The following OGDH variants were observed in gnomAD, a reference collection of about 807,000 sequenced individuals.
OGDH encodes the protein 2-oxoglutarate dehydrogenase complex component E1.
Under a neutral mutation model 116.6 loss-of-function variants are expected in OGDH, and 38 were observed. The ratio of observed to expected loss-of-function variants is 0.33; its 90% CI spans 0.25 to 0.43. OGDH has a LOEUF of 0.43. OGDH is among the 20% of genes least tolerant of loss of function. The probability of loss-of-function intolerance (pLI) is 1.00; values close to 1 mark genes in which losing one functional copy is unlikely to be tolerated. For synonymous variants in OGDH, 488 were observed against 533.3 expected (o/e 0.92, Z 1.17); for missense variants, 825 against 1,357.2 (o/e 0.61, Z 6.16).
chr7:44,626,979 TTTTG>T (rs758437776), intron 2 of OGDH, among the ~76,000 whole-genome samples: 18 of 152,214 alleles, frequency 1.2e-4, no homozygotes, highest in South Asian at 6.2e-4. Flanking sequence ...TGTGCATGTT[TTTTG>T]TTTGTTTGTT....
rs192281909 is a variant in OGDH, at chr7:44,610,524, G to A, written c.-28+3871G>A. On this transcript the variant is annotated intron_variant, in intron 1 of 22. Coordinates refer to ENST00000222673, the MANE Select transcript of OGDH (RefSeq NM_002541.4). ...TCACCGTGTTGGTCAGGCTGGTCTCGAACTCCTGACCTCGCGATCTGTCCA... is the reference window on the plus strand; with the variant it reads ...TCACCGTGTTGGTCAGGCTGGTCTCAAACTCCTGACCTCGCGATCTGTCCA... Among the ~76,000 whole-genome samples, 24 of 152,020 alleles carry A rather than the reference G, an allele frequency of 1.6e-4. No individual in the cohort carries two copies. In the East Asian group the frequency reaches 3.3e-3, roughly 21 times the overall value.
At chr7:44,684,453 AAG>A (rs1251639993) in intron 10 of OGDH, among the ~76,000 whole-genome samples, 5 of 152,208 alleles carry the variant, frequency 3.3e-5, no homozygotes, top group African/African-American at 4.8e-5. Context: ...GTCAAATACT[AAG>A]AGAGGGTAAG....
chr7:44,687,602 A>G (rs1344869730), intron 10 of OGDH, among the ~76,000 whole-genome samples: 2 of 150,886 alleles, frequency 1.3e-5, no homozygotes, highest in Admixed American at 1.3e-4. Context: ...TTTTTTTTGT[A>G]GAGACAGGGT....
intron 4 of OGDH, among the ~76,000 whole-genome samples, chr7:44,657,680 G>A (rs1449370387): frequency 6.6e-6 from 1 of 151,904 alleles, no homozygotes; most frequent in African/African-American, 2.4e-5. Flanking sequence ...TGTGCTTTTG[G>A]TATGAAGTCT....
chr7:44,651,949 C>G (rs1285580440), intron 4 of OGDH, among the ~76,000 whole-genome samples: 1 of 152,150 alleles, frequency 6.6e-6, no homozygotes, highest in African/African-American at 2.4e-5. Flanking sequence ...AGCACTCCAC[C>G]TGCCTCCGCC....
rs1235133213 is a variant in OGDH at position 44,707,248 on chromosome 7, C to G, written c.2656C>G (p.Pro886Ala). Reference sequence around the variant, plus strand: ...AGGAACCCACTTCCAGCGGGTGATCCCAGAAGATGGCCCTGCAGCTCAGAA... The same window carrying G: ...AGGAACCCACTTCCAGCGGGTGATCGCAGAAGATGGCCCTGCAGCTCAGAA... ...LPGTHFQRVIPEDGPAAQNPE... is the reference protein window; with the variant it reads ...LPGTHFQRVIAEDGPAAQNPE... The change falls in exon 21 of 23, where the codon CCA becomes GCA. Residue 886 changes from proline to alanine, a missense_variant. Pro to Ala is a conservative substitution (Grantham distance 27). This residue lies in a region of OGDH where 212 missense variants were observed against 284.3 expected (regional missense o/e 0.75). Coordinates refer to ENST00000222673, the MANE Select transcript of OGDH (RefSeq NM_002541.4). This position sits in a 1 kb window ranked among gnomAD's most constrained non-coding sequence, Gnocchi z 5.2. 16 of 1,614,222 alleles carry G rather than the reference C, an allele frequency of 9.9e-6. No homozygotes were observed. The highest frequency in any genetic ancestry group is 1.4e-5 in the Non-Finnish European group (16 of 1,180,036).
chr7:44,646,139 T>C (rs1162025471), intron 3 of OGDH, among the ~76,000 whole-genome samples: 1 of 152,174 alleles, frequency 6.6e-6, no homozygotes, highest in African/African-American at 2.4e-5. Flanking sequence ...TTCTAGGATG[T>C]CCACCTGATA....
At chr7:44,637,219 C>G (rs543973786) in intron 2 of OGDH, among the ~76,000 whole-genome samples, 1 of 152,278 alleles carries the variant, frequency 6.6e-6, no homozygotes, top group African/African-American at 2.4e-5. Flanking sequence ...TCTCTTTGGC[C>G]AAATGTCTTC....
At chr7:44,629,833 G>A (rs1785360765) in intron 2 of OGDH, among the ~76,000 whole-genome samples, 1 of 152,158 alleles carries the variant, frequency 6.6e-6, no homozygotes, top group South Asian at 2.1e-4. Flanking sequence ...GACCGCCTCG[G>A]CCTCCCAAAG....
rs996345498 is a variant in OGDH, at chr7:44,694,981, G to T, written c.1668+405G>T. ...CAAGCAGCTGCCCTAGAGAGGGAGAGGGTGGGTGTGAGGAGCTATATCTGA... is the reference window on the plus strand; with the variant it reads ...CAAGCAGCTGCCCTAGAGAGGGAGATGGTGGGTGTGAGGAGCTATATCTGA... On this transcript the variant is annotated intron_variant, in intron 12 of 22. Transcript: ENST00000222673. The surrounding 1 kb of genome is among the most constrained non-coding windows in gnomAD (Gnocchi z 4.2). Among the ~76,000 whole-genome samples the T allele has an allele frequency of 6.6e-6, 1 of 152,170 alleles. No homozygotes were observed. Among genetic ancestry groups the T allele is most frequent in the Non-Finnish European group, 1.5e-5 (1 of 68,030 alleles).
intron 10 of OGDH, among the ~76,000 whole-genome samples, chr7:44,686,046 C>CTTTTTTTT (rs947000633): frequency 2.1e-5 from 3 of 144,836 alleles, no homozygotes; most frequent in African/African-American, 5.0e-5. Flanking sequence ...TTCTTTCTTT[C>CTTTTTTTT]TTTTTTTTTT....
At chr7:44,678,929 C>A (rs1267237957) in intron 9 of OGDH, among the ~76,000 whole-genome samples, 1 of 152,206 alleles carries the variant, frequency 6.6e-6, no homozygotes, top group Non-Finnish European at 1.5e-5. Context: ...GTGAAACAGA[C>A]CTGATTTGGC....
rs776297661 is a variant in OGDH at position 44,701,520 on chromosome 7, G to A, written c.2560-23G>A. On this transcript the variant is annotated intron_variant, in intron 19 of 22. Coordinates refer to ENST00000222673, the MANE Select transcript of OGDH (RefSeq NM_002541.4). ...GAATCTTCAGAATCTGATCCTTCAC[G>A]AGCCTATTGTTCTGTATTTCAGTTA... 13 of 1,607,258 alleles carry A rather than the reference G, an allele frequency of 8.1e-6. No individual in the cohort carries two copies. In the East Asian group the frequency reaches 1.1e-4, roughly 14 times the overall value.
At chr7:44,626,670 G>A (rs1785220783) in intron 2 of OGDH, among the ~76,000 whole-genome samples, 1 of 152,220 alleles carries the variant, frequency 6.6e-6, no homozygotes, top group Non-Finnish European at 1.5e-5. Flanking sequence ...TGGACACTGG[G>A]CCTGTTGCCA....
chr7:44,694,864 T>C lies in OGDH; in HGVS notation c.1668+288T>C, dbSNP rs557430933. 6.6e-6 allele frequency among the ~76,000 whole-genome samples: 1 copy of C among 152,272 alleles called. No homozygotes were observed. The highest frequency in any genetic ancestry group is 2.1e-4 in the South Asian group (1 of 4,832). On this transcript the variant is annotated intron_variant, in intron 12 of 22. Transcript: ENST00000222673. The surrounding 1 kb of genome is among the most constrained non-coding windows in gnomAD (Gnocchi z 4.2). ...AGGTTTTCTCAGATTTCACAAATTG[T>C]GCATGGTTGAGAGGTGGGTGGTGGA...
At chr7:44,683,472 C>T (rs1788013252) in intron 10 of OGDH, among the ~76,000 whole-genome samples, 2 of 152,086 alleles carry the variant, frequency 1.3e-5, no homozygotes, top group Non-Finnish European at 2.9e-5. Context: ...TTCAAGTGAT[C>T]CTCCCATCTT....
chr7:44,672,168 TTCTG>T (rs1250620058), intron 5 of OGDH, among the ~76,000 whole-genome samples: 1 of 152,242 alleles, frequency 6.6e-6, no homozygotes, highest in Non-Finnish European at 1.5e-5. Context: ...AAGATTTTTC[TTCTG>T]TTGACTTGGA....
chr7:44,660,805 G>T (rs902567174), intron 4 of OGDH, among the ~76,000 whole-genome samples: 1 of 152,136 alleles, frequency 6.6e-6, no homozygotes, highest in African/African-American at 2.4e-5. Context: ...GCGCGTGCCT[G>T]TAGTCCTAGC....
chr7:44,693,700 T>G, intron 10 of OGDH, 125 bp from the exon 11 acceptor site: 3 of 648,690 alleles, frequency 4.6e-6, no homozygotes, highest in Non-Finnish European at 7.3e-6. Flanking sequence ...TAAACAGCCA[T>G]TTTGGGGTAC....
Sources: gnomAD v4.1 joint callset for allele counts (sites outside exome capture counted in the v4.1 genomes callset) on GRCh38, gnomAD v4.1.1 for gene constraint, gnomAD v4.1.1 regional missense constraint, Gnocchi (gnomAD v3.1) non-coding constraint, MANE v1.5 for transcripts, NCBI Gene and HGNC (gene_info 2026-07-23, HGNC 2026-07-21) for gene names.